Variants in TGFA observed in about 807,000 individuals in gnomAD.
The protein encoded by TGFA is transforming growth factor alpha.
TGFA carries 12 observed loss-of-function variants against 21.7 expected under a neutral mutation model. The observed-to-expected ratio is 0.55, with a 90% CI of 0.35 to 0.90. TGFA has a LOEUF of 0.90. Ranked by LOEUF, TGFA falls within the 40% of genes least tolerant of loss-of-function variation. The pLI is 0.01. For missense variants in TGFA, 178 were observed against 210.8 expected, an observed-to-expected ratio of 0.84 and a Z score of 0.96; for synonymous variants, 79 against 88.1, an observed-to-expected ratio of 0.90 and a Z score of 0.58.
At chr2:70,499,514 A>C (rs1381527137) in intron 2 of TGFA, among the ~76,000 whole-genome samples, 27 of 152,148 alleles carry the variant, frequency 1.8e-4, no homozygotes, top group African/African-American at 6.3e-4. Flanking sequence ...GTCTGGAGTA[A>C]ATCTTAATTT....
intron 1 of TGFA, chr2:70,553,378 C>T (rs1553507139): frequency 4.1e-6 from 6 of 1,456,984 alleles, no homozygotes; most frequent in Non-Finnish European, 4.5e-6. Flanking sequence ...CTGAGCCGGG[C>T]TTGGAGGCAG....
At chr2:70,524,459 C>T (rs1672571222) in intron 1 of TGFA, among the ~76,000 whole-genome samples, 1 of 152,170 alleles carries the variant, frequency 6.6e-6, no homozygotes, top group African/African-American at 2.4e-5. Flanking sequence ...TGAGGGCCCC[C>T]ATCCAAATTC....
chr2:70,553,793 C>T lies in TGFA; in HGVS notation c.-26G>A. ...TTTACGGGCGGGCGGGCAGCAGGCTCTCCAGCCTCCTGCCCTACCTGCGGT... is the reference window on the plus strand; with the variant it reads ...TTTACGGGCGGGCGGGCAGCAGGCTTTCCAGCCTCCTGCCCTACCTGCGGT... On this transcript the variant is annotated 5_prime_UTR_variant, in exon 1 of 6. Coordinates refer to ENST00000295400, the MANE Select transcript of TGFA (RefSeq NM_003236.4). 1 of 1,266,818 alleles carries T rather than the reference C, an allele frequency of 7.9e-7. No individual in the cohort carries two copies. Among genetic ancestry groups the T allele is most frequent in the Non-Finnish European group, 1.0e-6 (1 of 999,288 alleles). The allele number at this position is 1,266,818 out of a possible 1,614,324, so 78.5% of individuals were successfully genotyped here.
intron 5 of TGFA, 135 bp from the exon 6 acceptor site, chr2:70,451,001 A>T: frequency 9.6e-7 from 1 of 1,044,682 alleles, no homozygotes; most frequent in Non-Finnish European, 1.4e-6. Flanking sequence ...GCCCGAGTCC[A>T]AATTCTGCTG....
intron 2 of TGFA, among the ~76,000 whole-genome samples, chr2:70,513,710 A>G (rs1672175360): frequency 6.6e-6 from 1 of 152,164 alleles, no homozygotes; most frequent in African/African-American, 2.4e-5. Context: ...CTGAAGGAGG[A>G]GAAGAGACCA....
intron 2 of TGFA, among the ~76,000 whole-genome samples, chr2:70,475,823 C>G (rs115781298): frequency 6.6e-6 from 1 of 151,900 alleles, no homozygotes; most frequent in Non-Finnish European, 1.5e-5. Context: ...ACCTGTACCC[C>G]GACTCCCCCT....
At chr2:70,484,898 G>A (rs1210305533) in intron 2 of TGFA, among the ~76,000 whole-genome samples, 4 of 152,218 alleles carry the variant, frequency 2.6e-5, no homozygotes, top group Non-Finnish European at 5.9e-5. Context: ...CCTAGTTGAT[G>A]TATTCGGAAC....
intron 4 of TGFA, among the ~76,000 whole-genome samples, chr2:70,456,015 T>C (rs1225382912): frequency 6.6e-6 from 1 of 152,222 alleles, no homozygotes; most frequent in East Asian, 1.9e-4. Flanking sequence ...TCTCTAGTCC[T>C]CTCTGGAGCA....
Position 70,449,655 on chromosome 2 carries a change from A to G in TGFA, c.*1204T>C, listed in dbSNP as rs1553489261. The G allele has an allele frequency of 1.3e-5, 3 of 237,696 alleles. No individual in the cohort carries two copies. Among genetic ancestry groups the G allele is most frequent in the South Asian group, 8.9e-5 (2 of 22,358 alleles). 14.7% of individuals were successfully genotyped at this position (237,696 alleles called of 1,614,324 possible). Reference sequence around the variant, plus strand: ...AAATGAGGAAAAAAAAATTACTGGAATAGTTTTCCTAGTGCTCGAAAATAA... The same window carrying G: ...AAATGAGGAAAAAAAAATTACTGGAGTAGTTTTCCTAGTGCTCGAAAATAA... On this transcript the variant is annotated 3_prime_UTR_variant, in exon 6 of 6. Transcript: ENST00000295400.
intron 2 of TGFA, among the ~76,000 whole-genome samples, chr2:70,466,777 C>T (rs2103701725): frequency 6.6e-6 from 1 of 152,268 alleles, no homozygotes; most frequent in Non-Finnish European, 1.5e-5. Context: ...GACATGGAAC[C>T]AACCCAAATG....
intron 1 of TGFA, among the ~76,000 whole-genome samples, chr2:70,547,735 CTAT>C (rs1465881989): frequency 2.1e-5 from 3 of 143,732 alleles, no homozygotes; most frequent in African/African-American, 5.0e-5. Context: ...ACTTATACTA[CTAT>C]ATTATATATA....
chr2:70,470,970 A>C (rs1184185463), intron 2 of TGFA, among the ~76,000 whole-genome samples: 2 of 152,236 alleles, frequency 1.3e-5, no homozygotes, highest in Admixed American at 1.3e-4. Context: ...AAATAAATCA[A>C]TATATAATAA....
chr2:70,453,730 G>T (rs1426831276), intron 4 of TGFA, among the ~76,000 whole-genome samples: 1 of 152,216 alleles, frequency 6.6e-6, no homozygotes, highest in Non-Finnish European at 1.5e-5. Flanking sequence ...CCTCCAGCTG[G>T]CAGGGCTGTG....
intron 2 of TGFA, among the ~76,000 whole-genome samples, chr2:70,474,696 C>A (rs1444257981): frequency 1.3e-5 from 2 of 152,168 alleles, no homozygotes; most frequent in East Asian, 3.9e-4. Context: ...AGGGCAGGAA[C>A]CTCTGGGCTA....
chr2:70,543,743 G>A (rs980880372), intron 1 of TGFA, among the ~76,000 whole-genome samples: 1 of 152,098 alleles, frequency 6.6e-6, no homozygotes, highest in African/African-American at 2.4e-5. Flanking sequence ...AAGCTTCTTA[G>A]CAATTTCTTT....
At position 70,519,730 on chromosome 2, in the gene TGFA, G is replaced by A. The variant is rs183865438; in HGVS notation, c.41-4818C>T. Among the ~76,000 whole-genome samples, 9 of 152,358 alleles carry A rather than the reference G, an allele frequency of 5.9e-5. No individual in the cohort carries two copies. The East Asian group carries it at 1.7e-3, about 29-fold the overall frequency. ...GGAAATGATCCAGCATTACCTGAAA[G>A]CTCATAGGAATTTTCCATATCCATC... On this transcript the variant is annotated intron_variant, in intron 1 of 5. Coordinates refer to ENST00000295400, the MANE Select transcript of TGFA (RefSeq NM_003236.4).
rs1230978400 is a variant in TGFA at position 70,456,283 on chromosome 2, G to A, written c.365+56C>T. ...CCTGTTATCTGGATATACTGCGGATGTCCCTGGTAGGGGAGGTGGGCAGGG... is the reference window on the plus strand; with the variant it reads ...CCTGTTATCTGGATATACTGCGGATATCCCTGGTAGGGGAGGTGGGCAGGG... On this transcript the variant is annotated intron_variant, in intron 4 of 5. Coordinates refer to ENST00000295400, the MANE Select transcript of TGFA (RefSeq NM_003236.4). The A allele has an allele frequency of 8.6e-6, 13 of 1,513,102 alleles. No individual in the cohort carries two copies. The African/African-American group carries it at 1.5e-4, about 18-fold the overall frequency. The allele number at this position is 1,513,102 out of a possible 1,614,324, so 93.7% of individuals were successfully genotyped here.
chr2:70,521,872 C>T (rs2103877174), intron 1 of TGFA, among the ~76,000 whole-genome samples: 1 of 152,190 alleles, frequency 6.6e-6, no homozygotes, highest in South Asian at 2.1e-4. Flanking sequence ...CTTGGCCTCC[C>T]AAAGTGCTGG....
At chr2:70,538,482 A>G (rs1273595330) in intron 1 of TGFA, among the ~76,000 whole-genome samples, 3 of 152,240 alleles carry the variant, frequency 2.0e-5, no homozygotes, top group African/African-American at 4.8e-5. Context: ...ATTCATGGGA[A>G]TAGGTCAAAA....
Sources: allele counts gnomAD v4.1 joint callset (sites outside exome capture counted in the v4.1 genomes callset), GRCh38; gene constraint gnomAD v4.1.1; transcripts MANE v1.5; gene names NCBI Gene and HGNC (gene_info 2026-07-23, HGNC 2026-07-21).